Variants in SYNE3 observed in about 807,000 individuals in gnomAD.
SYNE3 encodes the protein nesprin-3.
A neutral mutation model predicts 111.2 loss-of-function variants in SYNE3; 100 were observed. The observed-to-expected ratio is 0.90, with a 90% CI of 0.77 to 1.06. The LOEUF (loss-of-function observed/expected upper bound fraction) is 1.06. Among genes scored for constraint, SYNE3 ranks in the 50% least tolerant of loss-of-function variants. The probability of loss-of-function intolerance (pLI) is 0.00; values close to 1 mark genes in which losing one functional copy is unlikely to be tolerated. For synonymous variants in SYNE3, 547 were observed against 533.9 expected, an observed-to-expected ratio of 1.02 and a Z score of -0.34; for missense variants, 1,160 against 1,240.3, an observed-to-expected ratio of 0.94 and a Z score of 0.97.
intron 4 of SYNE3, among the ~76,000 whole-genome samples, chr14:95,464,121 A>C (rs76828844): frequency 0.062 from 9,426 of 152,264 alleles, 390 homozygotes; most frequent in South Asian, 0.085. Flanking sequence ...TTAAACTGTC[A>C]GCATGAAGAA....
chr14:95,450,449 A>G (rs1887002185), intron 7 of SYNE3: 2 of 238,396 alleles, frequency 8.4e-6, no homozygotes, highest in Non-Finnish European at 8.1e-6. Flanking sequence ...CCAAAGCAGG[A>G]GGATCACTTG....
chr14:95,432,843 C>T (rs1395869194), intron 16 of SYNE3, among the ~76,000 whole-genome samples: 1 of 152,050 alleles, frequency 6.6e-6, no homozygotes, highest in African/African-American at 2.4e-5. Context: ...GCTGGCTCTG[C>T]CACTGACCAC....
chr14:95,425,955 C>A (rs1009846686), intron 17 of SYNE3, among the ~76,000 whole-genome samples: 3 of 152,188 alleles, frequency 2.0e-5, no homozygotes, highest in Non-Finnish European at 2.9e-5. Flanking sequence ...TGGTCATCGA[C>A]CCCAGTGCCC....
intron 8 of SYNE3, among the ~76,000 whole-genome samples, chr14:95,447,422 C>T (rs1430519878): frequency 6.6e-6 from 1 of 152,140 alleles, no homozygotes; most frequent in Non-Finnish European, 1.5e-5. Context: ...AGGCGTGAGC[C>T]ACCGTGCCCA....
intron 3 of SYNE3, among the ~76,000 whole-genome samples, chr14:95,467,065 C>T (rs562579207): frequency 1.3e-5 from 2 of 152,316 alleles, no homozygotes; most frequent in Non-Finnish European, 2.9e-5. Context: ...ATGGAGGTGG[C>T]TCTATCTCCC....
In SYNE3 at chr14:95,453,486, G is replaced by A. The variant is rs569858203; in HGVS notation, c.1138-1103C>T. On this transcript the variant is annotated intron_variant, in intron 6 of 17. Coordinates refer to ENST00000682763, the MANE Select transcript of SYNE3 (RefSeq NM_152592.6). ...CTGGGGCAATAGGGGCCACTATGTA[G>A]GCAGAAGGACACAGAATCTGCCCAG... is the stretch of plus-strand genomic sequence containing the variant. 1.6e-4 allele frequency among the ~76,000 whole-genome samples: 24 copies of A among 152,338 alleles called. No individual in the cohort carries two copies. The South Asian group carries it at 2.1e-3, about 13-fold the overall frequency.
chr14:95,450,183 C>T (rs1595204604), intron 7 of SYNE3, 78 bp from the exon 8 acceptor site: 1 of 1,482,348 alleles, frequency 6.7e-7, no homozygotes, highest in Non-Finnish European at 9.1e-7. Flanking sequence ...CCGCCAAGAC[C>T]CTCAAGAGGC....
intron 1 of SYNE3, among the ~76,000 whole-genome samples, chr14:95,481,632 T>C (rs1889260483): frequency 1.3e-5 from 2 of 152,146 alleles, no homozygotes; most frequent in African/African-American, 4.8e-5. Flanking sequence ...GAAGCCAGTA[T>C]AGGGGAGCCG....
chr14:95,417,892 G>C lies in SYNE3; in HGVS notation c.2862C>G (p.Thr954=). Residue 954 remains threonine (T), a synonymous_variant, in exon 18 of 18, where the codon ACC becomes ACG. Transcript: ENST00000682763. ...LPIREEDRSC[T]LANNFARSFT... ...AGGAGCGGGCGAAGTTGTTGGCCAG[G>C]GTGCAGCTGCGGTCCTCTTCCCTGA... 1 of 1,614,226 alleles carries C rather than the reference G, an allele frequency of 6.2e-7. No homozygotes were observed. Among genetic ancestry groups the C allele is most frequent in the South Asian group, 1.1e-5 (1 of 91,082 alleles).
At chr14:95,479,777 A>G (rs1889116067) in intron 1 of SYNE3, among the ~76,000 whole-genome samples, 1 of 152,150 alleles carries the variant, frequency 6.6e-6, no homozygotes, top group Non-Finnish European at 1.5e-5. Flanking sequence ...ACCTGGCTTG[A>G]GGAAGGTGGC....
chr14:95,444,557 C>T lies in SYNE3; in HGVS notation c.1704G>A (p.Gln568=), dbSNP rs2139405546. 1 of 1,613,766 alleles carries T rather than the reference C, an allele frequency of 6.2e-7. No homozygotes were observed. Among genetic ancestry groups the T allele is most frequent in the Non-Finnish European group, 8.5e-7 (1 of 1,179,738 alleles). ...GCCCCTTCTCGGCTTGGACCCTGAC[C>T]TGGAGGTCCAAGAGCTTCCTCTGCA... ...EPLQRKLLDL[Q]VRVQAEKGLQ... is the part of the protein sequence containing the mutation. The change falls in exon 10 of 18, where the codon CAG becomes CAA. Residue 568 remains glutamine, a synonymous_variant. Coordinates refer to ENST00000682763, the MANE Select transcript of SYNE3 (RefSeq NM_152592.6).
chr14:95,440,064 G>A lies in SYNE3; in HGVS notation c.1923C>T (p.Asp641=). The change falls in exon 12 of 18, where the codon GAC becomes GAT. Residue 641 remains aspartate, a synonymous_variant. Transcript: ENST00000682763. ...ALQRSLEDLV[D]RCRQSVQEHC... Reference sequence around the variant, plus strand: ...GCTCCTGCACACTCTGCCGACACCTGTCCACAAGGTCCTGCAGCACAGCCC... The same window carrying A: ...GCTCCTGCACACTCTGCCGACACCTATCCACAAGGTCCTGCAGCACAGCCC... The A allele has an allele frequency of 6.2e-7, 1 of 1,602,904 alleles. No homozygotes were observed. The highest frequency in any genetic ancestry group is 8.5e-7 in the Non-Finnish European group (1 of 1,178,770).
rs998505919 is a variant in SYNE3, at chr14:95,429,685, A to C, written c.2727+2394T>G. On this transcript the variant is annotated intron_variant, in intron 17 of 17. Transcript: ENST00000682763. ...CAATTGTTTTAAACATAGCCCAAGTAAGCAGATTCTTTAGTCATTTAGGGC... is the reference window on the plus strand; with the variant it reads ...CAATTGTTTTAAACATAGCCCAAGTCAGCAGATTCTTTAGTCATTTAGGGC... Among the ~76,000 whole-genome samples the C allele has an allele frequency of 3.9e-5, 6 of 152,264 alleles. No homozygotes were observed. In the East Asian group the frequency reaches 1.2e-3, roughly 29 times the overall value.
In SYNE3 at chr14:95,457,180, C is replaced by A. The variant is rs976156814; in HGVS notation, c.786G>T (p.Leu262=). 3 of 1,613,310 alleles carry A rather than the reference C, an allele frequency of 1.9e-6. No individual in the cohort carries two copies. The highest frequency in any genetic ancestry group is 2.5e-6 in the Non-Finnish European group (3 of 1,179,642). The part of the protein sequence containing the change: ...KLPITQRLST[L]QDIAKDFPRG... ...TTGAGACACAGCTGGGGATTACCTG[C>A]AGTGTGGAGAGGCGCTGCGTGATGG... Residue 262 remains leucine, a synonymous_variant, in exon 5 of 18, where the codon CTG becomes CTT. Transcript: ENST00000682763.
At chr14:95,432,565 G>C (rs1301779963) in intron 16 of SYNE3, among the ~76,000 whole-genome samples, 1 of 152,044 alleles carries the variant, frequency 6.6e-6, no homozygotes, top group African/African-American at 2.4e-5. Context: ...GCATATAACA[G>C]CACCTCCTTT....
At chr14:95,468,303 G>C (rs935798855) in intron 2 of SYNE3, among the ~76,000 whole-genome samples, 1 of 152,196 alleles carries the variant, frequency 6.6e-6, no homozygotes, top group African/African-American at 2.4e-5. Flanking sequence ...AGTATTAATC[G>C]TATCTATCTC....
intron 17 of SYNE3, among the ~76,000 whole-genome samples, chr14:95,422,765 T>C (rs1211172): frequency 0.74 from 112,361 of 152,154 alleles, 41,998 homozygotes; most frequent in Non-Finnish European, 0.82. Flanking sequence ...CTGCCTCTCA[T>C]GAAACCCTCA....
intron 1 of SYNE3, among the ~76,000 whole-genome samples, chr14:95,486,885 C>A (rs1023875282): frequency 6.6e-6 from 1 of 152,166 alleles, no homozygotes; most frequent in African/African-American, 2.4e-5. Context: ...GGGACCCCAG[C>A]CTGAAGGATA....
rs1366208121 is a variant in SYNE3, at chr14:95,409,324, C to T, written c.*8502G>A. 16 of 456,714 alleles carry T rather than the reference C, an allele frequency of 3.5e-5. No individual in the cohort carries two copies. The highest frequency in any genetic ancestry group is 1.4e-4 in the East Asian group (2 of 14,390). The allele number at this position is 456,714 out of a possible 1,614,324, so 28.3% of individuals were successfully genotyped here. Reference sequence around the variant, plus strand: ...GTGTCATGACCATATTGCAGGCGCTCGGGGTATGTTTTCTTCCCTCCCTTT... The same window carrying T: ...GTGTCATGACCATATTGCAGGCGCTTGGGGTATGTTTTCTTCCCTCCCTTT... On this transcript the variant is annotated 3_prime_UTR_variant, in exon 18 of 18. Transcript: ENST00000682763.
Sources: allele counts gnomAD v4.1 joint callset (sites outside exome capture counted in the v4.1 genomes callset), GRCh38; gene constraint gnomAD v4.1.1; transcripts MANE v1.5; gene names NCBI Gene and HGNC (gene_info 2026-07-23, HGNC 2026-07-21).